The following UGT2B10 variants were observed in gnomAD, a reference collection of about 807,000 sequenced individuals.
The protein encoded by UGT2B10 is UDP-glucuronosyltransferase 2B10.
A neutral mutation model predicts 43.7 loss-of-function variants in UGT2B10; 51 were observed. The observed-to-expected ratio is 1.17, with a 90% confidence interval of 0.93 to 1.47. The LOEUF is 1.47. Ranked by LOEUF, UGT2B10 falls within the 40% of genes most tolerant of loss-of-function variation. UGT2B10 has a pLI of 0.00. For missense variants in UGT2B10, 696 were observed against 617.7 expected (o/e 1.13, Z -1.34); for synonymous variants, 225 against 209.0 (o/e 1.08, Z -0.66).
rs71616903 is a variant in UGT2B10, at chr4:68,827,444, T to C, written c.1203T>C (p.Asn401=). Residue 401 remains asparagine, a synonymous_variant, in exon 5 of 6, where the codon AAT becomes AAC. Coordinates refer to ENST00000265403, the MANE Select transcript of UGT2B10 (RefSeq NM_001075.6). ...CATTGTTTTTTGATCAACCTGATAA[T>C]ATTGCTCACATGAAGGCCAAGGGAG... is the stretch of plus-strand genomic sequence containing the variant. ...GIPLFFDQPD[N]IAHMKAKGAA... is the part of the protein sequence containing the mutation. 2.5e-6 allele frequency: 4 copies of C among 1,613,482 alleles called. No individual in the cohort carries two copies. Among genetic ancestry groups the C allele is most frequent in the African/African-American group, 1.3e-5 (1 of 74,886 alleles).
At chr4:68,830,461 A>G (rs1391135298) in intron 5 of UGT2B10, 139 bp from the exon 6 acceptor site, 3 of 1,132,542 alleles carry the variant, frequency 2.6e-6, no homozygotes, top group Non-Finnish European at 3.5e-6. Context: ...GATGACTCAA[A>G]TTAAAATACA....
At position 68,818,286 on chromosome 4, in the gene UGT2B10, G is replaced by A. The variant is rs147474386; in HGVS notation, c.867+109G>A. On this transcript the variant is annotated intron_variant, in intron 2 of 5. Transcript: ENST00000265403. ...CTAACACTGAAAAAGATGGGAAGTA[G>A]GTGGGGTAAAGCAGATACCAATTAG... The A allele has an allele frequency of 9.8e-4, 1,513 of 1,549,222 alleles. 9 individuals carry two copies. In the African/African-American group the frequency reaches 0.019, roughly 19 times the overall value.
chr4:68,823,941 AT>A (rs1223385020), intron 3 of UGT2B10, among the ~76,000 whole-genome samples: 2 of 152,156 alleles, frequency 1.3e-5, no homozygotes, highest in East Asian at 3.9e-4. Flanking sequence ...TTATCACCAA[AT>A]TCTGCCCCTG....
At chr4:68,820,643 G>T (rs188407651) in intron 2 of UGT2B10, among the ~76,000 whole-genome samples, 1 of 151,754 alleles carries the variant, frequency 6.6e-6, no homozygotes, top group African/African-American at 2.4e-5. Flanking sequence ...AATATAACAC[G>T]ATGGCAAATT....
intron 3 of UGT2B10, 139 bp downstream of exon 3, chr4:68,822,541 C>T: frequency 1.3e-6 from 2 of 1,536,312 alleles, no homozygotes; most frequent in Non-Finnish European, 1.7e-6. Flanking sequence ...GTATAGCATC[C>T]ACTGACAGAA....
chr4:68,820,923 AG>A (rs1737460968), intron 2 of UGT2B10, among the ~76,000 whole-genome samples: 1 of 152,154 alleles, frequency 6.6e-6, no homozygotes, highest in Admixed American at 6.6e-5. Flanking sequence ...ATCTCTACAC[AG>A]AGGTTAGATT....
chr4:68,819,507 A>C (rs1737388669), intron 2 of UGT2B10, among the ~76,000 whole-genome samples: 1 of 151,990 alleles, frequency 6.6e-6, no homozygotes, highest in South Asian at 2.1e-4. Flanking sequence ...TGTGCAGACA[A>C]ACACAGGGTT....
intron 2 of UGT2B10, among the ~76,000 whole-genome samples, chr4:68,820,552 T>C (rs1041499751): frequency 6.6e-6 from 1 of 151,956 alleles, no homozygotes; most frequent in African/African-American, 2.4e-5. Flanking sequence ...ATGCCTACAA[T>C]AGCACTAAAA....
At chr4:68,818,006 C>A in intron 1 of UGT2B10, 23 bp from the exon 2 acceptor site, 1 of 1,595,494 alleles carries the variant, frequency 6.3e-7, no homozygotes, top group Non-Finnish European at 8.5e-7. Flanking sequence ...TCATCCACTT[C>A]TTCTTTTCTT....
intron 2 of UGT2B10, among the ~76,000 whole-genome samples, chr4:68,820,360 AGACACTT>A (rs1737432619): frequency 6.6e-6 from 1 of 152,098 alleles, no homozygotes; most frequent in Non-Finnish European, 1.5e-5. Flanking sequence ...TAAGAGAATA[AGACACTT>A]GACAAAATGT....
chr4:68,828,214 A>C (rs1266067981), intron 5 of UGT2B10, among the ~76,000 whole-genome samples: 1 of 152,054 alleles, frequency 6.6e-6, no homozygotes, highest in East Asian at 1.9e-4. Context: ...ATATAAATGG[A>C]ATCATACAGT....
In UGT2B10 at chr4:68,826,432, A is replaced by G; in HGVS notation, c.1022A>G (p.Asn341Ser). ...PQKVLWRFDG[N>S]KPDALGLNTR... is the part of the protein sequence containing the mutation. ...CAGGTTCTTTGGAGATTTGATGGGAATAAACCAGATGCCTTAGGTCTCAAT... is the reference window on the plus strand; with the variant it reads ...CAGGTTCTTTGGAGATTTGATGGGAGTAAACCAGATGCCTTAGGTCTCAAT... The change falls in exon 4 of 6, where the codon AAT becomes AGT. Residue 341 changes from asparagine to serine, a missense_variant. Asn to Ser is a conservative substitution (Grantham distance 46). Transcript: ENST00000265403. The G allele has an allele frequency of 1.9e-6, 3 of 1,611,738 alleles. No individual in the cohort carries two copies. The highest frequency in any genetic ancestry group is 2.2e-5 in the East Asian group (1 of 44,746).
At chr4:68,825,544 T>C (rs1737730937) in intron 3 of UGT2B10, among the ~76,000 whole-genome samples, 1 of 152,128 alleles carries the variant, frequency 6.6e-6, no homozygotes, top group African/African-American at 2.4e-5. Flanking sequence ...TATGTGTACA[T>C]GTGTTCTCAT....
chr4:68,830,796 A>G lies in UGT2B10; in HGVS notation c.1504A>G (p.Thr502Ala), dbSNP rs1161731995. ...TGGGTTCCTGCTGGCTTGTGTGGCA[A>G]CCGTGCTATTTATCATCACAAAGTG... is the stretch of plus-strand genomic sequence containing the variant. ...VIGFLLACVA[T>A]VLFIITKCCL... Residue 502 changes from threonine (T) to alanine (A), a missense_variant, in exon 6 of 6, where the codon ACC becomes GCC. Thr to Ala is a moderately conservative substitution (Grantham distance 58). Transcript: ENST00000265403. The G allele has an allele frequency of 1.2e-6, 2 of 1,613,306 alleles. No individual in the cohort carries two copies. Among genetic ancestry groups the G allele is most frequent in the South Asian group, 2.2e-5 (2 of 91,074 alleles).
chr4:68,817,966 C>G, intron 1 of UGT2B10, 63 bp from the exon 2 acceptor site: 1 of 1,558,486 alleles, frequency 6.4e-7, no homozygotes, highest in Non-Finnish European at 8.6e-7. Flanking sequence ...TAACCCCTTT[C>G]AGAAAATTAC....
Position 68,818,032 on chromosome 4 carries a change from G to C in UGT2B10, c.722G>C (p.Arg241Thr). The C allele has an allele frequency of 1.2e-6, 2 of 1,605,576 alleles. No homozygotes were observed. Among genetic ancestry groups the C allele is most frequent in the Non-Finnish European group, 8.5e-7 (1 of 1,177,176 alleles). The change falls in exon 2 of 6, where the codon AGA becomes ACA. Residue 241 changes from arginine to threonine, a missense_variant. Physicochemically the swap from Arg to Thr is moderately conservative, Grantham distance 71. Transcript: ENST00000265403. ...WDQFYSEVLG[R>T]PTTLSETMRK... ...TTCTTTTCTTTATTCCTATCAGGAA[G>C]ACCCACTACATTATCTGAGACAATG...
chr4:68,828,555 TG>T (rs1451018905), intron 5 of UGT2B10, among the ~76,000 whole-genome samples: 1 of 151,880 alleles, frequency 6.6e-6, no homozygotes, highest in Non-Finnish European at 1.5e-5. Flanking sequence ...TAAAACAAAG[TG>T]GTAGATTTAA....
chr4:68,827,183 G>T, intron 4 of UGT2B10, 146 bp from the exon 5 acceptor site: 1 of 1,320,726 alleles, frequency 7.6e-7, no homozygotes, highest in Non-Finnish European at 1.0e-6. Context: ...TCCAACACAA[G>T]TACCTGTTTT....
At position 68,830,973 on chromosome 4, in the gene UGT2B10, C is replaced by T; in HGVS notation, c.*94C>T. On this transcript the variant is annotated 3_prime_UTR_variant, in exon 6 of 6. Coordinates refer to ENST00000265403, the MANE Select transcript of UGT2B10 (RefSeq NM_001075.6). ...ATTGTGATGCAAGATTTCTTTCTTC[C>T]TGTGACAAAAAAAAATCCTTTCGAA... is the stretch of plus-strand genomic sequence containing the variant. 3 of 1,477,382 alleles carry T rather than the reference C, an allele frequency of 2.0e-6. No homozygotes were observed. The highest frequency in any genetic ancestry group is 2.3e-5 in the East Asian group (1 of 43,060). 91.5% of individuals were successfully genotyped at this position (1,477,382 alleles called of 1,614,324 possible). A position where few individuals can be genotyped will look rare whatever the true frequency, so the allele number is the denominator to read the frequency against.
Sources: gnomAD v4.1 joint callset for allele counts (sites outside exome capture counted in the v4.1 genomes callset) on GRCh38, gnomAD v4.1.1 for gene constraint, MANE v1.5 for transcripts, NCBI Gene and HGNC (gene_info 2026-07-23, HGNC 2026-07-21) for gene names.